ZNF678: variants seen among roughly 807,000 people sequenced by gnomAD.
ZNF678 encodes zinc finger protein 678, also known as hypothetical protein MGC42493.
A neutral mutation model predicts 3.0 loss-of-function variants in ZNF678; 5 were observed. That is an observed-to-expected ratio of 1.69 (90% CI 0.88 to 3.56). ZNF678 has a LOEUF of 3.56. ZNF678 is among the 30% of genes most tolerant of loss of function. The pLI is 0.00. For missense variants in ZNF678, 593 were observed against 605.0 expected (o/e 0.98, Z 0.21); for synonymous variants, 218 against 199.6 (o/e 1.09, Z -0.78).
At chr1:227,610,039 C>G (rs1475956602) in intron 1 of ZNF678, among the ~76,000 whole-genome samples, 2 of 152,170 alleles carry the variant, frequency 1.3e-5, no homozygotes, top group Non-Finnish European at 2.9e-5. Flanking sequence ...GACCCTCCTT[C>G]ACTTTTTAAA....
rs1325301108 is a variant in ZNF678 at position 227,661,612 on chromosome 1, A to T, written c.*5784A>T. Reference sequence around the variant, plus strand: ...TCCCTACAAGAACCCTATGAGGTTTATCTTCTTTTCACCCATTTTGAGAGA... The same window carrying T: ...TCCCTACAAGAACCCTATGAGGTTTTTCTTCTTTTCACCCATTTTGAGAGA... On this transcript the variant is annotated 3_prime_UTR_variant, in exon 4 of 4. Coordinates refer to ENST00000343776, the MANE Select transcript of ZNF678 (RefSeq NM_001367909.1). 4 of 152,194 alleles carry T rather than the reference A, an allele frequency of 2.6e-5. No individual in the cohort carries two copies. The highest frequency in any genetic ancestry group is 9.6e-5 in the African/African-American group (4 of 41,464). The allele number at this position is 152,194 out of a possible 1,614,324, so 9.4% of individuals were successfully genotyped here.
chr1:227,671,004 T>C (rs1659591401), intron 5 of ZNF678, among the ~76,000 whole-genome samples: 1 of 151,238 alleles, frequency 6.6e-6, no homozygotes, highest in African/African-American at 2.4e-5. Flanking sequence ...TTCATATTTG[T>C]AGATGTCTCA....
In ZNF678 at chr1:227,658,811, A is replaced by G. The variant is rs1215609773; in HGVS notation, c.*2983A>G. The G allele has an allele frequency of 6.6e-6, 1 of 152,060 alleles. No homozygotes were observed. The highest frequency in any genetic ancestry group is 1.5e-5 in the Non-Finnish European group (1 of 67,978). The allele number at this position is 152,060 out of a possible 1,614,324, so 9.4% of individuals were successfully genotyped here. On this transcript the variant is annotated 3_prime_UTR_variant, in exon 4 of 4. Coordinates refer to ENST00000343776, the MANE Select transcript of ZNF678 (RefSeq NM_001367909.1). Reference sequence around the variant, plus strand: ...ATAGGATTAAATTACTGAGTTAGTAATGTTTGTATGAAAGAAATGTTATTA... The same window carrying G: ...ATAGGATTAAATTACTGAGTTAGTAGTGTTTGTATGAAAGAAATGTTATTA...
At chr1:227,624,696 T>C (rs969046081) in intron 1 of ZNF678, among the ~76,000 whole-genome samples, 1 of 152,194 alleles carries the variant, frequency 6.6e-6, no homozygotes, top group Non-Finnish European at 1.5e-5. Context: ...AGAAGAGAAC[T>C]GTGGAACCCA....
At position 227,641,445 on chromosome 1, in the gene ZNF678, C is replaced by T. The variant is rs144043585; in HGVS notation, c.-163-5099C>T. Among the ~76,000 whole-genome samples, 227 of 152,186 alleles carry T rather than the reference C, an allele frequency of 1.5e-3. 6 individuals carry two copies. In the East Asian group the frequency reaches 0.037, roughly 25 times the overall value. ...GTTTTTGCAGTCTCTTAGCAGATGA[C>T]GTGATATATGTCACATTGTGGTTCA... On this transcript the variant is annotated intron_variant, in intron 1 of 3. Transcript: ENST00000343776.
intron 1 of ZNF678, among the ~76,000 whole-genome samples, chr1:227,631,391 A>G (rs1471186664): frequency 6.6e-6 from 1 of 152,182 alleles, no homozygotes; most frequent in African/African-American, 2.4e-5. Flanking sequence ...TGTGCCCAAC[A>G]TTGCCTTTGC....
intron 1 of ZNF678, among the ~76,000 whole-genome samples, chr1:227,608,714 G>A (rs995295332): frequency 4.6e-5 from 7 of 152,136 alleles, no homozygotes; most frequent in African/African-American, 1.4e-4. Context: ...GGCAACAACC[G>A]AAAATGCTCA....
chr1:227,667,533 G>A (rs975667315), intron 5 of ZNF678, among the ~76,000 whole-genome samples: 1 of 152,158 alleles, frequency 6.6e-6, no homozygotes, highest in Non-Finnish European at 1.5e-5. Context: ...GAGAAGACGA[G>A]GAGATTGGTG....
At chr1:227,665,171 G>A (rs558741073), downstream of ZNF678, among the ~76,000 whole-genome samples, 1 of 152,310 alleles carries the variant, frequency 6.6e-6, no homozygotes, top group African/African-American at 2.4e-5. Context: ...ACAAGAAGGG[G>A]TGGGAGGTAG....
At chr1:227,674,697 G>T (rs1029741776) in intron 5 of ZNF678, among the ~76,000 whole-genome samples, 2 of 151,400 alleles carry the variant, frequency 1.3e-5, no homozygotes, top group Non-Finnish European at 1.5e-5. Context: ...CTGCCTCCCG[G>T]GTTCAAGCGA....
intron 1 of ZNF678, among the ~76,000 whole-genome samples, chr1:227,616,973 G>T (rs1658157809): frequency 2.6e-5 from 4 of 152,138 alleles, no homozygotes; most frequent in South Asian, 4.1e-4. Flanking sequence ...CTGCCACTTG[G>T]GCCATGTGAT....
chr1:227,611,530 A>G (rs990037123), intron 1 of ZNF678, among the ~76,000 whole-genome samples: 15 of 152,322 alleles, frequency 9.8e-5, no homozygotes, highest in African/African-American at 3.6e-4. Context: ...TTATCAGGCC[A>G]CTCACAAGAC....
chr1:227,625,316 G>A (rs1388202096), intron 1 of ZNF678, among the ~76,000 whole-genome samples: 1 of 152,114 alleles, frequency 6.6e-6, no homozygotes, highest in Admixed American at 6.5e-5. Context: ...CTGTTGGGGA[G>A]GTTGGCCGAC....
chr1:227,635,082 A>C (rs942063607), intron 1 of ZNF678, among the ~76,000 whole-genome samples: 4 of 72,274 alleles, frequency 5.5e-5, no homozygotes, highest in African/African-American at 4.0e-4. Context: ...TCTGCCTGGT[A>C]ATCAAAAAAA....
chr1:227,679,206 TAAATAGAAA>T (rs950421864), downstream of ZNF678, among the ~76,000 whole-genome samples: 10 of 151,726 alleles, frequency 6.6e-5, no homozygotes, highest in African/African-American at 2.2e-4. Context: ...GAGTTAATAG[TAAATAGAAA>T]AAATAGAAAA....
intron 1 of ZNF678, among the ~76,000 whole-genome samples, chr1:227,566,360 A>G (rs996251731): frequency 3.0e-4 from 45 of 152,220 alleles, no homozygotes; most frequent in Non-Finnish European, 4.0e-4. Flanking sequence ...AGACAGAAAT[A>G]ATTCCTGCCC....
At chr1:227,567,617 T>A (rs953083810) in intron 1 of ZNF678, among the ~76,000 whole-genome samples, 4 of 152,172 alleles carry the variant, frequency 2.6e-5, no homozygotes, top group African/African-American at 9.7e-5. Context: ...TAAATTTCAT[T>A]GTCCTGGGCT....
chr1:227,590,075 G>C (rs777127871), intron 1 of ZNF678, among the ~76,000 whole-genome samples: 16 of 151,780 alleles, frequency 1.1e-4, no homozygotes, highest in Non-Finnish European at 2.2e-4. Context: ...TTTACCATTT[G>C]AATGAGTGCA....
At chr1:227,601,833 G>T (rs1657747220) in intron 1 of ZNF678, among the ~76,000 whole-genome samples, 1 of 152,180 alleles carries the variant, frequency 6.6e-6, no homozygotes, top group African/African-American at 2.4e-5. Context: ...AAAGTGCTGG[G>T]ATTACAGGTG....
Sources: allele counts gnomAD v4.1 joint callset (sites outside exome capture counted in the v4.1 genomes callset), GRCh38; gene constraint gnomAD v4.1.1; transcripts MANE v1.5; gene names NCBI Gene and HGNC (gene_info 2026-07-23, HGNC 2026-07-21).